The following AOC2 variants were observed in gnomAD, a reference collection of about 807,000 sequenced individuals.
The protein encoded by AOC2 is amine oxidase copper containing 2.
Under a neutral mutation model 53.8 loss-of-function variants are expected in AOC2, and 57 were observed. The ratio of observed to expected loss-of-function variants is 1.06; its 90% CI spans 0.86 to 1.32. AOC2 has a LOEUF of 1.32. Among genes scored for constraint, AOC2 ranks in the 40% most tolerant of loss-of-function variants. The pLI is 0.00. For missense variants in AOC2, 1,008 were observed against 957.2 expected, an observed-to-expected ratio of 1.05 and a Z score of -0.70; for synonymous variants, 404 against 399.0, an observed-to-expected ratio of 1.01 and a Z score of -0.15.
Position 42,845,139 on chromosome 17 carries a change from G to C in AOC2, c.513G>C (p.Glu171Asp), listed in dbSNP as rs2055582712. ...PYHRRPVLRA[E>D]FTQMWRHLKE... ...ACCGTCGCCCGGTGCTGAGAGCTGA[G>C]TTTACACAGATGTGGAGGCATCTGA... The change falls in exon 1 of 4, where the codon GAG becomes GAC. Residue 171 changes from glutamate (E) to aspartate (D), a missense_variant. Physicochemically the swap from Glu to Asp is conservative, Grantham distance 45. Coordinates refer to ENST00000253799, the MANE Select transcript of AOC2 (RefSeq NM_009590.4). 4 of 1,613,776 alleles carry C rather than the reference G, an allele frequency of 2.5e-6. No individual in the cohort carries two copies. The East Asian group carries it at 6.7e-5, about 27-fold the overall frequency.
chr17:42,845,309 CAG>C lies in AOC2; in HGVS notation c.684_685del (p.Val230TrpfsTer46), dbSNP rs774753899. 3.1e-6 allele frequency: 5 copies of C among 1,614,098 alleles called. No individual in the cohort carries two copies. The highest frequency in any genetic ancestry group is 1.3e-5 in the African/African-American group (1 of 74,940). On this transcript the variant is annotated frameshift_variant, in exon 1 of 4. Transcript: ENST00000253799. LOFTEE classifies it high-confidence loss of function. ...TGGATGGCCCTCTACCATAACATCT[CAG>C]GGGTTGGTCTTTTCCTTCACCCCGT...
Position 42,844,731 on chromosome 17 carries a change from C to T in AOC2, c.105C>T (p.Pro35=). The part of the protein sequence containing the change: ...LTSPGGSSQP[P]HCPSVSHRAQ... ...GCCCAGGTGGTTCCAGCCAGCCTCC[C>T]CACTGCCCCTCTGTATCCCATAGGG... is the stretch of plus-strand genomic sequence containing the variant. The change falls in exon 1 of 4, where the codon CCC becomes CCT. Residue 35 remains proline (P), a synonymous_variant. Transcript: ENST00000253799. The T allele has an allele frequency of 1.2e-6, 2 of 1,614,242 alleles. No homozygotes were observed. The highest frequency in any genetic ancestry group is 1.1e-5 in the South Asian group (1 of 91,088).
rs779978308 is a variant in AOC2 at position 42,850,391 on chromosome 17, T to C, written c.*43T>C. On this transcript the variant is annotated 3_prime_UTR_variant, in exon 4 of 4. Transcript: ENST00000253799. ...GCGGCGTGGTTAGGCACATGTACTTTTCCCTGTTTCTACTTTCTATTCTCC... is the reference window on the plus strand; with the variant it reads ...GCGGCGTGGTTAGGCACATGTACTTCTCCCTGTTTCTACTTTCTATTCTCC... 2.0e-6 allele frequency: 3 copies of C among 1,526,272 alleles called. No homozygotes were observed. The highest frequency in any genetic ancestry group is 2.6e-6 in the Non-Finnish European group (3 of 1,135,720). 94.5% of individuals were successfully genotyped at this position (1,526,272 alleles called of 1,614,324 possible). A position where few individuals can be genotyped will look rare whatever the true frequency, so the allele number is the denominator to read the frequency against.
chr17:42,848,200 C>A (rs1464969755), intron 1 of AOC2, among the ~76,000 whole-genome samples: 2 of 151,502 alleles, frequency 1.3e-5, no homozygotes, highest in Non-Finnish European at 2.9e-5. Context: ...CCACACCCGG[C>A]TCAGGAGTCA....
chr17:42,844,756 G>T lies in AOC2; in HGVS notation c.130G>T (p.Ala44Ser), dbSNP rs2055575900. 6.2e-7 allele frequency: 1 copy of T among 1,614,122 alleles called. No homozygotes were observed. Among genetic ancestry groups the T allele is most frequent in the Non-Finnish European group, 8.5e-7 (1 of 1,180,016 alleles). ...PPHCPSVSHR[A>S]QPWPHPGQSQ... ...CCACTGCCCCTCTGTATCCCATAGG[G>T]CCCAGCCCTGGCCACACCCTGGCCA... The change falls in exon 1 of 4, where the codon GCC (alanine) becomes TCC (serine). Residue 44 changes from alanine (A) to serine (S), a missense_variant. Ala to Ser is a moderately conservative substitution (Grantham distance 99). Transcript: ENST00000253799.
In AOC2 at chr17:42,845,286, G is replaced by A; in HGVS notation, c.660G>A (p.Trp220Ter). The A allele has an allele frequency of 6.2e-7, 1 of 1,614,136 alleles. No individual in the cohort carries two copies. The highest frequency in any genetic ancestry group is 8.5e-7 in the Non-Finnish European group (1 of 1,180,026). ...RGLRSGDRAT[W>*]MALYHNISGV... is the part of the protein sequence containing the mutation. ...TGCGCTCAGGGGACCGAGCTACCTG[G>A]ATGGCCCTCTACCATAACATCTCAG... Residue 220 changes from tryptophan to a stop codon, truncating the protein, a stop_gained, in exon 1 of 4, where the codon TGG (tryptophan) becomes TGA (stop). Coordinates refer to ENST00000253799, the MANE Select transcript of AOC2 (RefSeq NM_009590.4). LOFTEE classifies it high-confidence loss of function.
Position 42,850,300 on chromosome 17 carries a change from G to A in AOC2, c.2223G>A (p.Leu741=). Reference sequence around the variant, plus strand: ...ATCCTGTGGCCTGCCTCCCCGACCTGGCAGCCTGTGTCCCGGACTTACCCC... The same window carrying A: ...ATCCTGTGGCCTGCCTCCCCGACCTAGCAGCCTGTGTCCCGGACTTACCCC... The part of the protein sequence containing the change: ...SINPVACLPD[L]AACVPDLPPF... Residue 741 remains leucine, a synonymous_variant, in exon 4 of 4, where the codon CTG becomes CTA. Transcript: ENST00000253799. The A allele has an allele frequency of 6.2e-7, 1 of 1,613,396 alleles. No individual in the cohort carries two copies. Among genetic ancestry groups the A allele is most frequent in the Non-Finnish European group, 8.5e-7 (1 of 1,179,400 alleles).
intron 1 of AOC2, among the ~76,000 whole-genome samples, chr17:42,848,538 T>C (rs887072205): frequency 7.4e-6 from 1 of 136,052 alleles, no homozygotes; most frequent in African/African-American, 3.2e-5. Context: ...TATATATATA[T>C]ATATATACAT....
chr17:42,850,050 C>G (rs755138332), intron 3 of AOC2, 32 bp from the exon 4 acceptor site: 1 of 1,605,060 alleles, frequency 6.2e-7, no homozygotes, highest in South Asian at 1.1e-5. Context: ...GTCACGCTTC[C>G]ATAGTCCTCC....
At chr17:42,848,546 C>CATGTATATAT (rs2055617249) in intron 1 of AOC2, among the ~76,000 whole-genome samples, 1 of 117,688 alleles carries the variant, frequency 8.5e-6, no homozygotes, top group Admixed American at 9.0e-5. Context: ...TATATATATA[C>CATGTATATAT]ATATATATAT....
intron 1 of AOC2, among the ~76,000 whole-genome samples, chr17:42,847,061 T>C (rs568294594): frequency 6.6e-6 from 1 of 152,364 alleles, no homozygotes; most frequent in African/African-American, 2.4e-5. Flanking sequence ...TCTAAAGACA[T>C]GGCACGTGCG....
rs2055573725 is a variant in AOC2, at chr17:42,844,631, A to G, written c.5A>G (p.His2Arg). 1.2e-6 allele frequency: 2 copies of G among 1,603,696 alleles called. No individual in the cohort carries two copies. The highest frequency in any genetic ancestry group is 1.7e-5 in the Admixed American group (1 of 59,600). M[H>R]LKIVLAFLAL... ...TTTCAGCTCTCAGCATCCACCATGC[A>G]TCTCAAGATAGTCCTGGCGTTCCTG... Residue 2 changes from histidine (H) to arginine (R), a missense_variant, in exon 1 of 4, where the codon CAT (histidine) becomes CGT (arginine). His to Arg is a conservative substitution (Grantham distance 29). Transcript: ENST00000253799.
At chr17:42,849,910 T>G (rs2055636049) in intron 3 of AOC2, among the ~76,000 whole-genome samples, 172 bp from the exon 4 acceptor site, 1 of 152,204 alleles carries the variant, frequency 6.6e-6, no homozygotes, top group Non-Finnish European at 1.5e-5. Flanking sequence ...TCTGGGACAC[T>G]GGCTCCCCCC....
Position 42,844,926 on chromosome 17 carries a change from C to A in AOC2, c.300C>A (p.Pro100=), listed in dbSNP as rs369601593. Residue 100 remains proline (P), a synonymous_variant, in exon 1 of 4, where the codon CCC becomes CCA. Coordinates refer to ENST00000253799, the MANE Select transcript of AOC2 (RefSeq NM_009590.4). ...TCTTCTCAGTGGAGCTGCAGCTGCC[C>A]CCCAAGGCTGCAGCCCTGGCCCACC... ...NCIFSVELQL[P]PKAAALAHLD... is the part of the protein sequence containing the mutation. 2.5e-6 allele frequency: 4 copies of A among 1,612,762 alleles called. No individual in the cohort carries two copies. In the African/African-American group the frequency reaches 5.3e-5, roughly 22 times the overall value.
At position 42,850,086 on chromosome 17, in the gene AOC2, T is replaced by C. The variant is rs1247775591; in HGVS notation, c.2009T>C (p.Leu670Pro). The change falls in exon 4 of 4, where the codon CTG (leucine) becomes CCG (proline). Residue 670 changes from leucine (L) to proline (P), a missense_variant. Coordinates refer to ENST00000253799, the MANE Select transcript of AOC2 (RefSeq NM_009590.4). The stretch of plus-strand genomic sequence containing the variant: ...AGCTCCTCCTTCTTCTTGCAGGATC[T>C]GGTGGCTTGGGTCACAGCCAGCTTC... ...INNETLLGED[L>P]VAWVTASFLH... is the part of the protein sequence containing the mutation. The C allele has an allele frequency of 4.3e-6, 7 of 1,613,312 alleles. No homozygotes were observed. The highest frequency in any genetic ancestry group is 8.5e-7 in the Non-Finnish European group (1 of 1,179,250).
In AOC2 at chr17:42,844,612, C is replaced by G; in HGVS notation, c.-15C>G. The G allele has an allele frequency of 6.3e-7, 1 of 1,591,440 alleles. No individual in the cohort carries two copies. Among genetic ancestry groups the G allele is most frequent in the Non-Finnish European group, 8.6e-7 (1 of 1,163,990 alleles). Reference sequence around the variant, plus strand: ...GCAGCTGTTAGAATTCTGATTTCAGCTCTCAGCATCCACCATGCATCTCAA... The same window carrying G: ...GCAGCTGTTAGAATTCTGATTTCAGGTCTCAGCATCCACCATGCATCTCAA... On this transcript the variant is annotated 5_prime_UTR_variant, in exon 1 of 4. Transcript: ENST00000253799.
At chr17:42,848,546 CATATAT>C (rs200422278) in intron 1 of AOC2, among the ~76,000 whole-genome samples, 1 of 117,694 alleles carries the variant, frequency 8.5e-6, no homozygotes, top group Non-Finnish European at 1.7e-5. Context: ...TATATATATA[CATATAT>C]ATATATATAT....
At position 42,849,094 on chromosome 17, in the gene AOC2, A is replaced by G. The variant is rs1374886091; in HGVS notation, c.1597A>G (p.Asn533Asp). Residue 533 changes from asparagine (N) to aspartate (D), a missense_variant, in exon 2 of 4, where the codon AAC becomes GAC. By Grantham distance (23) the Asn-to-Asp change is conservative. Coordinates refer to ENST00000253799, the MANE Select transcript of AOC2 (RefSeq NM_009590.4). ...KLDLDVAGLK[N>D]WVVAEDVVFK... Reference sequence around the variant, plus strand: ...TTCCCTCCCCCTGGCAGGGCTGAAAAACTGGGTGGTAGCTGAAGACGTGGT... The same window carrying G: ...TTCCCTCCCCCTGGCAGGGCTGAAAGACTGGGTGGTAGCTGAAGACGTGGT... The G allele has an allele frequency of 1.2e-6, 2 of 1,607,750 alleles. No individual in the cohort carries two copies. Among genetic ancestry groups the G allele is most frequent in the Non-Finnish European group, 1.7e-6 (2 of 1,174,952 alleles).
rs565651756 is a variant in AOC2, at chr17:42,849,150, G to A, written c.1653G>A (p.Pro551=). The change falls in exon 2 of 4, where the codon CCG becomes CCA. Residue 551 remains proline, a synonymous_variant. Transcript: ENST00000253799. ...AACCTGTGGCTGCCCCCTGGAACCC[G>A]GAGCACTGGCTACAGCGCCCACAGC... is the stretch of plus-strand genomic sequence containing the variant. The part of the protein sequence containing the change: ...VFKPVAAPWN[P]EHWLQRPQLT... 73 of 1,614,102 alleles carry A rather than the reference G, an allele frequency of 4.5e-5. No individual in the cohort carries two copies. The highest frequency in any genetic ancestry group is 1.2e-4 in the South Asian group (11 of 91,072).
Sources: gnomAD v4.1 joint callset for allele counts (sites outside exome capture counted in the v4.1 genomes callset) on GRCh38, gnomAD v4.1.1 for gene constraint, MANE v1.5 for transcripts, NCBI Gene and HGNC (gene_info 2026-07-23, HGNC 2026-07-21) for gene names.